The following XKR6 variants were observed in gnomAD, a reference collection of about 807,000 sequenced individuals.
The protein encoded by XKR6 is XK related 6, also known as XK-related protein 6.
Under a neutral mutation model 56.7 loss-of-function variants are expected in XKR6, and 22 were observed. That is an observed-to-expected ratio of 0.39 (90% CI 0.28 to 0.55). The LOEUF (loss-of-function observed/expected upper bound fraction) is 0.55. Ranked by LOEUF, XKR6 falls within the 20% of genes least tolerant of loss-of-function variation. XKR6 has a pLI of 0.66. For missense variants in XKR6, 852 were observed against 889.0 expected, an observed-to-expected ratio of 0.96 and a Z score of 0.53; for synonymous variants, 524 against 387.8, an observed-to-expected ratio of 1.35 and a Z score of -4.13.
intron 1 of XKR6, among the ~76,000 whole-genome samples, chr8:11,090,414 TTTTC>T (rs1435369213): frequency 9.1e-4 from 139 of 152,124 alleles, no homozygotes; most frequent in African/African-American, 3.3e-3. Flanking sequence ...GGTTTTTTTT[TTTTC>T]TTAATTTCCA....
chr8:11,114,388 T>C (rs956606818), intron 1 of XKR6, among the ~76,000 whole-genome samples: 1 of 152,066 alleles, frequency 6.6e-6, no homozygotes, highest in African/African-American at 2.4e-5. Context: ...TGAGACAGAG[T>C]CTCACTCTGT....
intron 2 of XKR6, among the ~76,000 whole-genome samples, chr8:10,922,290 C>A (rs1800745464): frequency 6.6e-6 from 1 of 152,246 alleles, no homozygotes; most frequent in East Asian, 1.9e-4. Context: ...CTCTCCAGTG[C>A]CAGCAAATCT....
At position 11,201,274 on chromosome 8, in the gene XKR6, C is replaced by T. The variant is rs771681967; in HGVS notation, c.66G>A (p.Glu22=). ...VGFAQLHNLD[E]AVGSGGEEDG... ...CCTCCTCGCCGCCGCTGCCCACCGC[C>T]TCGTCCAGGTTGTGCAGCTGAGCGA... Residue 22 remains glutamate (E), a synonymous_variant, in exon 1 of 3, where the codon GAG becomes GAA. Transcript: ENST00000416569. The T allele has an allele frequency of 5.7e-6, 9 of 1,581,634 alleles. No individual in the cohort carries two copies. The highest frequency in any genetic ancestry group is 4.5e-5 in the South Asian group (4 of 88,632).
chr8:11,033,548 C>T (rs1022188937), intron 1 of XKR6, among the ~76,000 whole-genome samples: 1 of 151,988 alleles, frequency 6.6e-6, no homozygotes, highest in African/African-American at 2.4e-5. Flanking sequence ...AAGAAGATCA[C>T]GATGACAATG....
chr8:11,161,952 G>C (rs7010256), intron 1 of XKR6, among the ~76,000 whole-genome samples: 6,350 of 151,984 alleles, frequency 0.042, 285 homozygotes, highest in African/African-American at 0.11. Flanking sequence ...AGCAAAATGA[G>C]AAAGAAAAAG....
intron 1 of XKR6, among the ~76,000 whole-genome samples, chr8:10,963,706 G>C (rs1802132835): frequency 6.6e-6 from 1 of 151,498 alleles, no homozygotes; most frequent in South Asian, 2.1e-4. Context: ...CATCATGCCT[G>C]GCTAATTTTA....
chr8:10,921,803 T>C (rs1222383330), intron 2 of XKR6, among the ~76,000 whole-genome samples: 5 of 151,796 alleles, frequency 3.3e-5, no homozygotes, highest in Non-Finnish European at 7.4e-5. Flanking sequence ...TGGTACAGAG[T>C]GGGGAAGATT....
chr8:11,139,582 C>A (rs1586602371), intron 1 of XKR6, among the ~76,000 whole-genome samples: 1 of 152,196 alleles, frequency 6.6e-6, no homozygotes, highest in East Asian at 1.9e-4. Context: ...ACAGATGCTC[C>A]AGGGCTCCCG....
chr8:11,009,735 A>G (rs1265263222), intron 1 of XKR6, among the ~76,000 whole-genome samples: 4 of 152,214 alleles, frequency 2.6e-5, no homozygotes, highest in Non-Finnish European at 2.9e-5. Context: ...GTGTTCTGGC[A>G]CAGAAGAAAG....
At chr8:10,919,575 G>GAGC (rs1305598178) in intron 2 of XKR6, among the ~76,000 whole-genome samples, 2 of 152,192 alleles carry the variant, frequency 1.3e-5, no homozygotes, top group South Asian at 2.1e-4. Context: ...GGTGCATGTG[G>GAGC]AGCTCATTAG....
intron 1 of XKR6, among the ~76,000 whole-genome samples, chr8:11,054,644 C>G (rs950014334): frequency 1.3e-5 from 2 of 152,250 alleles, no homozygotes; most frequent in African/African-American, 4.8e-5. Context: ...TCCTGCCAGC[C>G]CTTTAGGAAA....
At chr8:11,140,124 T>G (rs1017808034) in intron 1 of XKR6, among the ~76,000 whole-genome samples, 34 of 151,234 alleles carry the variant, frequency 2.2e-4, no homozygotes, top group African/African-American at 8.0e-4. Flanking sequence ...AGAAAATTTT[T>G]TAATTAAAAA....
chr8:11,189,721 C>T (rs1585036717), intron 1 of XKR6, among the ~76,000 whole-genome samples: 1 of 152,194 alleles, frequency 6.6e-6, no homozygotes, highest in African/African-American at 2.4e-5. Context: ...CTGTGTACTG[C>T]TTAGGGAACT....
At chr8:11,083,673 C>T (rs562153067) in intron 1 of XKR6, among the ~76,000 whole-genome samples, 15 of 152,180 alleles carry the variant, frequency 9.9e-5, no homozygotes, top group African/African-American at 1.9e-4. Context: ...CACAATTATA[C>T]GTAAAAGTCA....
At position 11,120,371 on chromosome 8, in the gene XKR6, A is replaced by G. The variant is rs549821320; in HGVS notation, c.764+80205T>C. Among the ~76,000 whole-genome samples, 7 of 152,338 alleles carry G rather than the reference A, an allele frequency of 4.6e-5. No individual in the cohort carries two copies. In the East Asian group the frequency reaches 1.3e-3, roughly 29 times the overall value. ...TACAAAATCAATGCGCAAAAATCAC[A>G]AGCATTCTTATACACCAATAACAGA... On this transcript the variant is annotated intron_variant, in intron 1 of 2. Transcript: ENST00000416569.
intron 1 of XKR6, among the ~76,000 whole-genome samples, chr8:11,150,945 G>C (rs113661304): frequency 4.0e-5 from 6 of 149,448 alleles, no homozygotes; most frequent in African/African-American, 1.5e-4. Context: ...CCATAATAAA[G>C]ATGTGTGTTG....
chr8:10,964,132 T>C (rs1344810677), intron 1 of XKR6, among the ~76,000 whole-genome samples: 3 of 152,198 alleles, frequency 2.0e-5, no homozygotes, highest in African/African-American at 7.2e-5. Context: ...CCTGGGGTCC[T>C]GTCTTGCATT....
chr8:11,191,843 A>G (rs542096852), intron 1 of XKR6, among the ~76,000 whole-genome samples: 29 of 152,290 alleles, frequency 1.9e-4, no homozygotes, highest in African/African-American at 7.0e-4. Context: ...TGAGTACAAA[A>G]CAGCTATTAG....
chr8:11,129,911 C>G (rs886434531), intron 1 of XKR6, among the ~76,000 whole-genome samples: 1 of 152,100 alleles, frequency 6.6e-6, no homozygotes, highest in Non-Finnish European at 1.5e-5. Context: ...TGATATATAA[C>G]AGGAGATGAG....
Sources: allele counts gnomAD v4.1 joint callset (sites outside exome capture counted in the v4.1 genomes callset), GRCh38; gene constraint gnomAD v4.1.1; transcripts MANE v1.5; gene names NCBI Gene and HGNC (gene_info 2026-07-23, HGNC 2026-07-21).